The following DDX59 variants were observed in gnomAD, a reference collection of about 807,000 sequenced individuals.
The protein encoded by DDX59 is probable ATP-dependent RNA helicase DDX59.
Under a neutral mutation model 51.9 loss-of-function variants are expected in DDX59, and 30 were observed. The observed-to-expected ratio is 0.58, with a 90% CI of 0.43 to 0.78. DDX59 has a LOEUF of 0.78. Among genes scored for constraint, DDX59 ranks in the 30% least tolerant of loss-of-function variants. The pLI is 0.00. For synonymous variants in DDX59, 255 were observed against 253.3 expected, an observed-to-expected ratio of 1.01 and a Z score of -0.06; for missense variants, 672 against 730.8, an observed-to-expected ratio of 0.92 and a Z score of 0.93.
At chr1:200,646,727 A>G (rs1289427892) in intron 7 of DDX59, among the ~76,000 whole-genome samples, 1 of 152,212 alleles carries the variant, frequency 6.6e-6, no homozygotes, top group Non-Finnish European at 1.5e-5. Flanking sequence ...GAGTTACTAT[A>G]TGACTCAGTA....
At chr1:200,646,739 T>C (rs1022305527) in intron 7 of DDX59, among the ~76,000 whole-genome samples, 6 of 152,186 alleles carry the variant, frequency 3.9e-5, no homozygotes, top group African/African-American at 1.2e-4. Flanking sequence ...GACTCAGTAA[T>C]TCTATTCATA....
Position 200,648,442 on chromosome 1 carries a change from A to G in DDX59, c.1593T>C (p.His531=), listed in dbSNP as rs771717858. 3.1e-6 allele frequency: 5 copies of G among 1,613,994 alleles called. No individual in the cohort carries two copies. The highest frequency in any genetic ancestry group is 4.2e-6 in the Non-Finnish European group (5 of 1,179,938). Residue 531 remains histidine (H), a synonymous_variant, in exon 7 of 8, where the codon CAT becomes CAC. Transcript: ENST00000331314. ...DMPSSMDEYV[H]QIGRVGRLGQ... Reference sequence around the variant, plus strand: ...GGTAACATATAAAGCTCCTTACCTGATGGACATACTCATCCATACTTGAAG... The same window carrying G: ...GGTAACATATAAAGCTCCTTACCTGGTGGACATACTCATCCATACTTGAAG...
chr1:200,650,395 T>C (rs1284997249), intron 5 of DDX59, 30 bp downstream of exon 5: 22 of 1,589,236 alleles, frequency 1.4e-5, no homozygotes, highest in Non-Finnish European at 1.9e-5. Flanking sequence ...ACACAATCCA[T>C]AAAACATAGT....
At chr1:200,641,807 A>G (rs1661058124), downstream of DDX59, among the ~76,000 whole-genome samples, 1 of 152,156 alleles carries the variant, frequency 6.6e-6, no homozygotes. Context: ...GATGGAGACC[A>G]TCCTGGCCAA....
At chr1:200,666,899 G>A (rs1662802383) in intron 1 of DDX59, 148 bp from the exon 2 acceptor site, 1 of 730,062 alleles carries the variant, frequency 1.4e-6, no homozygotes, top group Non-Finnish European at 2.2e-6. Context: ...CTTGAGGTCA[G>A]GAGTTTGAGA....
intron 4 of DDX59, among the ~76,000 whole-genome samples, chr1:200,652,277 T>C (rs1661716877): frequency 6.6e-6 from 1 of 152,064 alleles, no homozygotes; most frequent in South Asian, 2.1e-4. Context: ...TTCAGCCTTC[T>C]AAGCAGCTGG....
intron 7 of DDX59, among the ~76,000 whole-genome samples, chr1:200,647,244 G>T (rs377744021): frequency 6.6e-6 from 1 of 152,142 alleles, no homozygotes; most frequent in Non-Finnish European, 1.5e-5. Flanking sequence ...ATAATGCAGC[G>T]CTAAGAGAAG....
chr1:200,649,208 G>A lies in DDX59; in HGVS notation c.1333C>T (p.Pro445Ser), dbSNP rs1485647445. The A allele has an allele frequency of 2.6e-6, 4 of 1,568,268 alleles. No individual in the cohort carries two copies. The highest frequency in any genetic ancestry group is 1.7e-4 in the Middle Eastern group (1 of 5,982). ...CAGTCCACAAATACTAACACTGGAG[G>A]CTTAAAGAGTTTCTTATCCTGAAAA... ...EILNDKKLFK[P>S]PVLVFVDCKL... Residue 445 changes from proline (P) to serine (S), a missense_variant, in exon 6 of 8, where the codon CCT (proline) becomes TCT (serine). By Grantham distance (74) the Pro-to-Ser change is moderately conservative (BLOSUM62 -1). Transcript: ENST00000331314.
intron 2 of DDX59, among the ~76,000 whole-genome samples, chr1:200,664,359 C>T (rs547285369): frequency 6.6e-6 from 1 of 152,134 alleles, no homozygotes; most frequent in Non-Finnish European, 1.5e-5. Context: ...TGAAGGTTTG[C>T]TCCTAGTTTA....
intron 3 of DDX59, among the ~76,000 whole-genome samples, chr1:200,661,267 G>T (rs183953041): frequency 6.6e-6 from 1 of 152,190 alleles, no homozygotes; most frequent in African/African-American, 2.4e-5. Flanking sequence ...TGAATAACAG[G>T]AAGCTGTGAG....
chr1:200,669,389 G>GA (rs1663003863), intron 1 of DDX59: 1 of 149,880 alleles, frequency 6.7e-6, no homozygotes, highest in African/African-American at 2.5e-5. Context: ...AGGTGAGCAG[G>GA]AAAAAGCTTG....
intron 5 of DDX59, 97 bp from the exon 6 acceptor site, chr1:200,649,323 A>T: frequency 8.3e-7 from 1 of 1,204,724 alleles, no homozygotes; most frequent in South Asian, 1.5e-5. Flanking sequence ...TTATCAATAG[A>T]TTTATAAATA....
chr1:200,643,272 G>A (rs906617376), downstream of DDX59, among the ~76,000 whole-genome samples: 23 of 151,910 alleles, frequency 1.5e-4, no homozygotes, highest in Middle Eastern at 3.4e-3. Context: ...GGGTGACAGG[G>A]TGAGATGCTA....
In DDX59 at chr1:200,666,133, A is replaced by G; in HGVS notation, c.608T>C (p.Ile203Thr). Residue 203 changes from isoleucine to threonine, a missense_variant, in exon 2 of 8, where the codon ATT becomes ACT. By Grantham distance (89) the Ile-to-Thr change is moderately conservative. Coordinates refer to ENST00000331314, the MANE Select transcript of DDX59 (RefSeq NM_001031725.6). ...VQGQEVTRPI[I>T]DFEHCSLPEV... ...AGGGAGACTACAATGTTCAAAGTCAATAATGGGCCTGGTGACTTCTTGCCC... is the reference window on the plus strand; with the variant it reads ...AGGGAGACTACAATGTTCAAAGTCAGTAATGGGCCTGGTGACTTCTTGCCC... 2 of 1,614,232 alleles carry G rather than the reference A, an allele frequency of 1.2e-6. No individual in the cohort carries two copies. Among genetic ancestry groups the G allele is most frequent in the Non-Finnish European group, 1.7e-6 (2 of 1,180,044 alleles).
intron 1 of DDX59, among the ~76,000 whole-genome samples, chr1:200,667,197 G>GT (rs1662824215): frequency 6.6e-6 from 1 of 152,016 alleles, no homozygotes; most frequent in Non-Finnish European, 1.5e-5. Context: ...GAGGTCAGGA[G>GT]TTTGAGACCA....
rs1373103355 is a variant in DDX59 at position 200,644,531 on chromosome 1, C to T, written c.1597-14G>A. 3 of 1,543,618 alleles carry T rather than the reference C, an allele frequency of 1.9e-6. No individual in the cohort carries two copies. The highest frequency in any genetic ancestry group is 1.4e-5 in the African/African-American group (1 of 71,664). On this transcript the variant is annotated splice_polypyrimidine_tract_variant and intron_variant, in intron 7 of 7. Transcript: ENST00000331314. The stretch of plus-strand genomic sequence containing the variant: ...TACTCTTCCAATCTGAAATAAAATG[C>T]AAAGAACATTTTCAAGATGTCCATG...
chr1:200,662,555 C>G (rs1376405402), intron 3 of DDX59, among the ~76,000 whole-genome samples: 1 of 152,180 alleles, frequency 6.6e-6, no homozygotes, highest in Non-Finnish European at 1.5e-5. Context: ...ACTCTGGAGG[C>G]TGAGGCAGAA....
At chr1:200,652,007 CAAAA>C (rs71135375) in intron 4 of DDX59, among the ~76,000 whole-genome samples, 9 of 82,888 alleles carry the variant, frequency 1.1e-4, no homozygotes, top group Admixed American at 1.2e-4. Flanking sequence ...GCCTCCGTCT[CAAAA>C]AAAAAAAAAA....
In DDX59 at chr1:200,644,205, T is replaced by C; in HGVS notation, c.*49A>G. On this transcript the variant is annotated 3_prime_UTR_variant, in exon 8 of 8. Coordinates refer to ENST00000331314, the MANE Select transcript of DDX59 (RefSeq NM_001031725.6). Reference sequence around the variant, plus strand: ...ATTTCCATTTATGCAAACCATAATTTTTTGCTGACTATATACAATAAAAAA... The same window carrying C: ...ATTTCCATTTATGCAAACCATAATTCTTTGCTGACTATATACAATAAAAAA... The C allele has an allele frequency of 7.6e-7, 1 of 1,308,476 alleles. No homozygotes were observed. Among genetic ancestry groups the C allele is most frequent in the Non-Finnish European group, 9.9e-7 (1 of 1,014,108 alleles). 81.1% of individuals were successfully genotyped at this position (1,308,476 alleles called of 1,614,324 possible). A position where few individuals can be genotyped will look rare whatever the true frequency, so the allele number is the denominator to read the frequency against.
Sources: gnomAD v4.1 joint callset for allele counts (sites outside exome capture counted in the v4.1 genomes callset) on GRCh38, gnomAD v4.1.1 for gene constraint, MANE v1.5 for transcripts, NCBI Gene and HGNC (gene_info 2026-07-23, HGNC 2026-07-21) for gene names.